GBE1: variants seen among roughly 807,000 people sequenced by gnomAD.
GBE1 encodes 1,4-alpha-glucan-branching enzyme.
GBE1 carries 70 observed loss-of-function variants against 88.8 expected under a neutral mutation model. The observed-to-expected ratio is 0.79, with a 90% CI of 0.65 to 0.96. The LOEUF (loss-of-function observed/expected upper bound fraction) is 0.96. GBE1 is among the 40% of genes least tolerant of loss of function. The pLI, the probability that GBE1 is intolerant of heterozygous loss-of-function variation, is 0.00. For missense variants in GBE1, 872 were observed against 871.0 expected (o/e 1.00, Z -0.01); for synonymous variants, 284 against 300.1 (o/e 0.95, Z 0.56).
Position 81,733,831 on chromosome 3 carries a change from T to G in GBE1, c.143+27544A>C, listed in dbSNP as rs1422370473. 6.6e-6 allele frequency among the ~76,000 whole-genome samples: 1 copy of G among 152,238 alleles called. No homozygotes were observed. Among genetic ancestry groups the G allele is most frequent in the Non-Finnish European group, 1.5e-5 (1 of 68,042 alleles). On this transcript the variant is annotated intron_variant, in intron 1 of 15. Transcript: ENST00000429644. The surrounding 1 kb of genome is among the most constrained non-coding windows in gnomAD (Gnocchi z 4.0). ...AAATGTATGAGCTTTATAGTCTCCT[T>G]GTTCACACCTATATTCCAATTATCT...
intron 12 of GBE1, among the ~76,000 whole-genome samples, chr3:81,559,617 TTGA>T (rs1334635074): frequency 6.6e-5 from 10 of 151,912 alleles, no homozygotes; most frequent in Admixed American, 2.0e-4. Flanking sequence ...CCTATTGGGG[TTGA>T]TATCACCCCG....
At chr3:81,522,457 G>A (rs998556817) in intron 14 of GBE1, among the ~76,000 whole-genome samples, 2 of 151,426 alleles carry the variant, frequency 1.3e-5, no homozygotes, top group African/African-American at 4.8e-5. Context: ...TTCAGTCTCA[G>A]AGTTATGGCT....
At chr3:81,681,987 G>T (rs1407948818) in intron 2 of GBE1, among the ~76,000 whole-genome samples, 1 of 152,098 alleles carries the variant, frequency 6.6e-6, no homozygotes, top group African/African-American at 2.4e-5. Flanking sequence ...AAGTGAAAAG[G>T]CAGTCCACAG....
chr3:81,511,416 G>A (rs867915491), intron 14 of GBE1, among the ~76,000 whole-genome samples: 12 of 151,826 alleles, frequency 7.9e-5, no homozygotes, highest in African/African-American at 2.2e-4. Flanking sequence ...ATATTTGCAA[G>A]TTATGAATCT....
At chr3:81,697,991 T>C (rs1705625924) in intron 2 of GBE1, among the ~76,000 whole-genome samples, 1 of 148,346 alleles carries the variant, frequency 6.7e-6, no homozygotes, top group Non-Finnish European at 1.5e-5. Context: ...ATGATATCTA[T>C]TAGGTATAAT....
chr3:81,735,672 G>A (rs1385418543), intron 1 of GBE1, among the ~76,000 whole-genome samples: 1 of 152,174 alleles, frequency 6.6e-6, no homozygotes, highest in African/African-American at 2.4e-5. Context: ...AAAAGTCTGG[G>A]CTTTTTCCCA....
chr3:81,693,050 C>T (rs899539192), intron 2 of GBE1, among the ~76,000 whole-genome samples: 1 of 152,142 alleles, frequency 6.6e-6, no homozygotes, highest in Admixed American at 6.5e-5. Context: ...TCACTTTAGT[C>T]TCCTTTCTGC....
At chr3:81,720,853 A>G (rs894285565) in intron 1 of GBE1, among the ~76,000 whole-genome samples, 2 of 148,740 alleles carry the variant, frequency 1.3e-5, no homozygotes, top group Non-Finnish European at 3.0e-5. Flanking sequence ...CATATACACC[A>G]TGGAATACTA....
intron 7 of GBE1, among the ~76,000 whole-genome samples, chr3:81,602,517 G>A (rs1217618180): frequency 6.6e-6 from 1 of 152,122 alleles, no homozygotes; most frequent in Non-Finnish European, 1.5e-5. Context: ...CCTCTTACGA[G>A]TTGCAAAGTG....
intron 2 of GBE1, among the ~76,000 whole-genome samples, chr3:81,679,537 C>G (rs1705308603): frequency 6.6e-6 from 1 of 152,064 alleles, no homozygotes; most frequent in African/African-American, 2.4e-5. Flanking sequence ...ACATATGGTC[C>G]TTGGGATAAT....
At chr3:81,651,345 C>T (rs919406087) in intron 3 of GBE1, among the ~76,000 whole-genome samples, 3 of 152,184 alleles carry the variant, frequency 2.0e-5, no homozygotes, top group Non-Finnish European at 4.4e-5. Context: ...CAGGCTTCCA[C>T]AGCACTTCCT....
rs1553696551 is a variant in GBE1, at chr3:81,750,549, ATG to A, written c.143+10824_143+10825del. The stretch of plus-strand genomic sequence containing the variant: ...CATATATATATATACGTATATATAT[ATG>A]TATATATATATGTATATATATATAC... On this transcript the variant is annotated intron_variant, in intron 1 of 15. Coordinates refer to ENST00000429644, the MANE Select transcript of GBE1 (RefSeq NM_000158.4). 6.0e-4 allele frequency among the ~76,000 whole-genome samples: 50 copies of A among 82,886 alleles called. 3 individuals are homozygous for A. Among genetic ancestry groups the A allele is most frequent in the African/African-American group, 3.2e-3 (44 of 13,950 alleles). The allele number at this position is 82,886 out of a possible 152,430, so 54.4% of individuals were successfully genotyped here.
chr3:81,731,242 C>G (rs116331371), intron 1 of GBE1, among the ~76,000 whole-genome samples: 3 of 152,084 alleles, frequency 2.0e-5, no homozygotes, highest in Non-Finnish European at 4.4e-5. Flanking sequence ...GAGTAGATCA[C>G]GACACTTATT....
intron 14 of GBE1, among the ~76,000 whole-genome samples, chr3:81,529,472 T>C (rs756626164): frequency 5.3e-5 from 8 of 152,086 alleles, no homozygotes; most frequent in Non-Finnish European, 1.0e-4. Context: ...GTACTCCCTT[T>C]AGCATTTCTT....
chr3:81,512,838 T>A (rs2106830879), intron 14 of GBE1, among the ~76,000 whole-genome samples: 1 of 151,942 alleles, frequency 6.6e-6, no homozygotes, highest in Admixed American at 6.6e-5. Flanking sequence ...CAAATTTAAC[T>A]TTTGGTACTA....
intron 7 of GBE1, among the ~76,000 whole-genome samples, chr3:81,595,865 A>G (rs919080017): frequency 1.3e-5 from 2 of 152,032 alleles, no homozygotes; most frequent in East Asian, 1.9e-4. Flanking sequence ...GCATGTATGA[A>G]CAACAAAAAA....
At chr3:81,639,643 A>G (rs1704642859) in intron 7 of GBE1, among the ~76,000 whole-genome samples, 1 of 152,196 alleles carries the variant, frequency 6.6e-6, no homozygotes, top group African/African-American at 2.4e-5. Context: ...GTAGTTTTCA[A>G]CAGAAATGGC....
In GBE1 at chr3:81,750,588, C is replaced by CGTATATATATATGTGTATATATATATAT. The variant is rs1706495703; in HGVS notation, c.143+10759_143+10786dup. Among the ~76,000 whole-genome samples the CGTATATATATATGTGTATATATATATAT allele has an allele frequency of 1.3e-4, 6 of 44,956 alleles. 1 individual carries two copies. Among genetic ancestry groups the CGTATATATATATGTGTATATATATATAT allele is most frequent in the Non-Finnish European group, 3.7e-5 (1 of 27,246 alleles). The allele number at this position is 44,956 out of a possible 152,430, so 29.5% of individuals were successfully genotyped here. ...GTATATATATATACGTATATATATACGTATATATATATGTGTATATATATA... is the reference window on the plus strand; with the variant it reads ...GTATATATATATACGTATATATATACGTATATATATATGTGTATATATATATATGTATATATATATGTGTATATATATA... On this transcript the variant is annotated intron_variant, in intron 1 of 15. Coordinates refer to ENST00000429644, the MANE Select transcript of GBE1 (RefSeq NM_000158.4).
intron 9 of GBE1, among the ~76,000 whole-genome samples, chr3:81,590,511 G>A (rs1703862695): frequency 6.6e-6 from 1 of 151,986 alleles, no homozygotes; most frequent in Non-Finnish European, 1.5e-5. Context: ...TCATTACAGT[G>A]CAGCTTTGGG....
Sources: gnomAD v4.1 joint callset for allele counts (sites outside exome capture counted in the v4.1 genomes callset) on GRCh38, gnomAD v4.1.1 for gene constraint, Gnocchi (gnomAD v3.1) non-coding constraint, MANE v1.5 for transcripts, NCBI Gene and HGNC (gene_info 2026-07-23, HGNC 2026-07-21) for gene names.